The following RAD21 variants were observed in gnomAD, a reference collection of about 807,000 sequenced individuals.
RAD21 encodes double-strand-break repair protein rad21 homolog.
In RAD21, 18 loss-of-function variants were observed where a neutral mutation model predicts 71.5. The observed-to-expected ratio is 0.25, with a 90% confidence interval of 0.17 to 0.37. The LOEUF (loss-of-function observed/expected upper bound fraction) is 0.37, where lower values mean the gene tolerates loss of function less well. Ranked by LOEUF, RAD21 falls within the 10% of genes least tolerant of loss-of-function variation. The probability of loss-of-function intolerance (pLI) is 1.00; values close to 1 mark genes in which losing one functional copy is unlikely to be tolerated. For missense variants in RAD21, 493 were observed against 769.1 expected, an observed-to-expected ratio of 0.64 and a Z score of 4.25; for synonymous variants, 248 against 254.0, an observed-to-expected ratio of 0.98 and a Z score of 0.22.
chr8:116,846,079 C>T lies in RAD21; in HGVS notation c.*1421G>A, dbSNP rs1479373155. On this transcript the variant is annotated 3_prime_UTR_variant, in exon 14 of 14. Coordinates refer to ENST00000297338, the MANE Select transcript of RAD21 (RefSeq NM_006265.3). ...AACTAATGACCTTTCTAAAATCAAA[C>T]ATTCAATTATCTACAATGTCTTTTT... is the stretch of plus-strand genomic sequence containing the variant. 1 of 230,810 alleles carries T rather than the reference C, an allele frequency of 4.3e-6. No homozygotes were observed. Among genetic ancestry groups the T allele is most frequent in the Admixed American group, 5.6e-5 (1 of 17,712 alleles). 14.3% of individuals were successfully genotyped at this position (230,810 alleles called of 1,614,324 possible). A position where few individuals can be genotyped will look rare whatever the true frequency, so the allele number is the denominator to read the frequency against.
chr8:116,857,766 AC>A (rs1387244077), intron 5 of RAD21, among the ~76,000 whole-genome samples: 1 of 151,314 alleles, frequency 6.6e-6, no homozygotes, highest in Non-Finnish European at 1.5e-5. Context: ...ATGTTAAGTT[AC>A]ATTAACAGTC....
Position 116,851,972 on chromosome 8 carries a change from T to A in RAD21, c.1446A>T (p.Gln482His), listed in dbSNP as rs756283022. Residue 482 changes from glutamine (Q) to histidine (H), a missense_variant, in exon 11 of 14, where the codon CAA (glutamine) becomes CAT (histidine). Gln to His is a conservative substitution (Grantham distance 24). Coordinates refer to ENST00000297338, the MANE Select transcript of RAD21 (RefSeq NM_006265.3). ...CAGGCATCACAGGCTCTGGGTCAAT[T>A]TGTCCAGCTTTTCGCTTAACTCCCT... is the stretch of plus-strand genomic sequence containing the variant. Reference protein sequence around the residue: ...PPQGVKRKAGQIDPEPVMPPQ... With the variant: ...PPQGVKRKAGHIDPEPVMPPQ... The A allele has an allele frequency of 9.9e-6, 16 of 1,610,088 alleles. No individual in the cohort carries two copies. The Admixed American group carries it at 2.7e-4, about 27-fold the overall frequency.
intron 8 of RAD21, among the ~76,000 whole-genome samples, chr8:116,855,767 A>G (rs1812449280): frequency 6.6e-6 from 1 of 152,070 alleles, no homozygotes; most frequent in Non-Finnish European, 1.5e-5. Context: ...ACTGCACAGC[A>G]TTTAGAATTG....
At chr8:116,863,301 G>A (rs375683414) in intron 2 of RAD21, 42 bp from the exon 3 acceptor site, 27 of 1,582,070 alleles carry the variant, frequency 1.7e-5, no homozygotes, top group South Asian at 2.3e-5. Flanking sequence ...CCTGCATTTC[G>A]TGCCATTCAT....
chr8:116,862,175 G>C (rs997775205), intron 3 of RAD21, among the ~76,000 whole-genome samples: 3 of 152,076 alleles, frequency 2.0e-5, no homozygotes, highest in Admixed American at 1.3e-4. Context: ...TGTTTAAACG[G>C]ACATATCAAC....
At chr8:116,866,919 A>C in intron 1 of RAD21, 158 bp from the exon 2 acceptor site, 1 of 462,364 alleles carries the variant, frequency 2.2e-6, no homozygotes, top group Non-Finnish European at 3.6e-6. Flanking sequence ...CAGATTTAAA[A>C]CAAATCTATT....
At position 116,852,725 on chromosome 8, in the gene RAD21, A is replaced by G. The variant is rs1812378544; in HGVS notation, c.1162-17T>C. On this transcript the variant is annotated splice_polypyrimidine_tract_variant and intron_variant, in intron 9 of 13. Transcript: ENST00000297338. ...TGTAAAGAGCTATTAAAAAAAAAAA[A>G]AAGAAAAATTTCAATTATAAAATAA... 1.4e-6 allele frequency: 2 copies of G among 1,473,458 alleles called. No individual in the cohort carries two copies. The highest frequency in any genetic ancestry group is 2.4e-5 in the Admixed American group (1 of 40,988). The allele number at this position is 1,473,458 out of a possible 1,614,324, so 91.3% of individuals were successfully genotyped here. A position where few individuals can be genotyped will look rare whatever the true frequency, so the allele number is the denominator to read the frequency against.
chr8:116,872,158 TATC>T (rs528871133), intron 1 of RAD21, among the ~76,000 whole-genome samples: 1 of 152,236 alleles, frequency 6.6e-6, no homozygotes, highest in African/African-American at 2.4e-5. Context: ...TACATTGTAA[TATC>T]ATAAATGGAG....
chr8:116,849,288 G>A, intron 12 of RAD21: 1 of 369,910 alleles, frequency 2.7e-6, no homozygotes, highest in Non-Finnish European at 4.8e-6. Flanking sequence ...TGCGCTATAA[G>A]GATGCTATCT....
Position 116,858,390 on chromosome 8 carries a change from T to A in RAD21, c.443A>T (p.Glu148Val). 1 of 1,612,994 alleles carries A rather than the reference T, an allele frequency of 6.2e-7. No individual in the cohort carries two copies. Among genetic ancestry groups the A allele is most frequent in the Non-Finnish European group, 8.5e-7 (1 of 1,179,376 alleles). ...SRVEEITMRE[E>V]VGNISILQEN... ...TTGTAAAATACTGATGTTCCCAACT[T>A]CTTCTCTCATGGTTATCTCTTCCAC... Residue 148 changes from glutamate to valine, a missense_variant, in exon 5 of 14, where the codon GAA (glutamate) becomes GTA (valine). By Grantham distance (121) the Glu-to-Val change is moderately radical. Transcript: ENST00000297338.
intron 9 of RAD21, 38 bp from the exon 10 acceptor site, chr8:116,852,746 A>G (rs1344928630): frequency 7.3e-7 from 1 of 1,361,046 alleles, no homozygotes; most frequent in East Asian, 2.7e-5. Flanking sequence ...TCAATTATAA[A>G]ATAAATCTAA....
chr8:116,873,501 T>G (rs149159758), intron 1 of RAD21, among the ~76,000 whole-genome samples: 1 of 151,442 alleles, frequency 6.6e-6, no homozygotes, highest in Non-Finnish European at 1.5e-5. Flanking sequence ...TTACACCCAA[T>G]TTAAGAAAAT....
At chr8:116,872,539 T>TACAC (rs5894355) in intron 1 of RAD21, among the ~76,000 whole-genome samples, 17,248 of 148,288 alleles carry the variant, frequency 0.12, 1,069 homozygotes, top group Admixed American at 0.19. Flanking sequence ...TATATATACA[T>TACAC]ACACACACAC....
At chr8:116,866,497 C>T (rs1812697464) in intron 2 of RAD21, 89 bp downstream of exon 2, 13 of 1,262,798 alleles carry the variant, frequency 1.0e-5, no homozygotes, top group Admixed American at 2.4e-5. Flanking sequence ...ACTCCAATGC[C>T]CCTACCTAAA....
rs561756363 is a variant in RAD21, at chr8:116,857,995, A to G, written c.481+357T>C. Among the ~76,000 whole-genome samples, 7 of 152,354 alleles carry G rather than the reference A, an allele frequency of 4.6e-5. No individual in the cohort carries two copies. The South Asian group carries it at 1.4e-3, about 32-fold the overall frequency. The stretch of plus-strand genomic sequence containing the variant: ...CAGAGACCCCGCCTCTTAAAAAACA[A>G]TATGCCTTGCTAACTAGTTTTGAAT... On this transcript the variant is annotated intron_variant, in intron 5 of 13. Coordinates refer to ENST00000297338, the MANE Select transcript of RAD21 (RefSeq NM_006265.3).
rs1360309980 is a variant in RAD21, at chr8:116,852,055, C to T, written c.1363G>A (p.Val455Met). 1 of 1,611,942 alleles carries T rather than the reference C, an allele frequency of 6.2e-7. No individual in the cohort carries two copies. Among genetic ancestry groups the T allele is most frequent in the Non-Finnish European group, 8.5e-7 (1 of 1,178,184 alleles). ...IEEPSRLQES[V>M]MEASRTNIDE... ...ATGTTTGTTCTGCTGGCCTCCATCACTGACTCCTGGAGGCGGCTTGGCTCT... is the reference window on the plus strand; with the variant it reads ...ATGTTTGTTCTGCTGGCCTCCATCATTGACTCCTGGAGGCGGCTTGGCTCT... Residue 455 changes from valine to methionine, a missense_variant, in exon 11 of 14, where the codon GTG becomes ATG. Transcript: ENST00000297338.
intron 9 of RAD21, 146 bp downstream of exon 9, chr8:116,854,096 GCCC>G: frequency 1.6e-6 from 1 of 618,250 alleles, no homozygotes; most frequent in East Asian, 2.7e-5. Flanking sequence ...ATGAAGTTAT[GCCC>G]AGTACACTGT....
intron 1 of RAD21, 108 bp downstream of exon 1, chr8:116,874,503 T>C (rs2130501146): frequency 4.3e-6 from 1 of 235,280 alleles, no homozygotes; most frequent in Non-Finnish European, 8.4e-6. Flanking sequence ...GGCTGCCTTC[T>C]CCCTCGCCCT....
Position 116,847,687 on chromosome 8 carries a change from G to A in RAD21, c.1709C>T (p.Ala570Val). ...TQQMLHGLQRALAKTGAESIS... is the reference protein window; with the variant it reads ...TQQMLHGLQRVLAKTGAESIS... The stretch of plus-strand genomic sequence containing the variant: ...AGATTCAGCTCCAGTTTTAGCAAGA[G>A]CACGCTGAAATAAAACCAAAAAAGG... Residue 570 changes from alanine to valine, a missense_variant, in exon 14 of 14, where the codon GCT (alanine) becomes GTT (valine). Ala to Val is a moderately conservative substitution (Grantham distance 64). Around this residue, in one of 5 missense-constraint regions of RAD21, gnomAD observed 225 missense variants for 218.3 expected, o/e 1.03. Transcript: ENST00000297338. 2 of 1,611,014 alleles carry A rather than the reference G, an allele frequency of 1.2e-6. No individual in the cohort carries two copies. Among genetic ancestry groups the A allele is most frequent in the Non-Finnish European group, 1.7e-6 (2 of 1,178,864 alleles).
Sources: allele counts gnomAD v4.1 joint callset (sites outside exome capture counted in the v4.1 genomes callset), GRCh38; gene constraint gnomAD v4.1.1; regional missense constraint gnomAD v4.1.1; transcripts MANE v1.5; gene names NCBI Gene and HGNC (gene_info 2026-07-23, HGNC 2026-07-21).